CDH13: variants seen among roughly 807,000 people sequenced by gnomAD.
CDH13 encodes cadherin-13.
In CDH13, 24 loss-of-function variants were observed where a neutral mutation model predicts 63.8. The observed-to-expected ratio is 0.38, with a 90% CI of 0.27 to 0.53. CDH13 has a LOEUF of 0.53. Among genes scored for constraint, CDH13 ranks in the 20% least tolerant of loss-of-function variants. The probability of loss-of-function intolerance (pLI) is 0.85; values close to 1 mark genes in which losing one functional copy is unlikely to be tolerated. For synonymous variants in CDH13, 503 were observed against 355.3 expected, an observed-to-expected ratio of 1.42 and a Z score of -4.67; for missense variants, 1,049 against 903.1, an observed-to-expected ratio of 1.16 and a Z score of -2.07.
chr16:83,400,067 T>C (rs755970304), intron 6 of CDH13, among the ~76,000 whole-genome samples: 1 of 152,138 alleles, frequency 6.6e-6, no homozygotes, highest in Admixed American at 6.5e-5. Flanking sequence ...TGTCTTATAG[T>C]ACTGCCAAGA....
intron 3 of CDH13, among the ~76,000 whole-genome samples, chr16:83,067,891 C>T (rs1440523322): frequency 2.0e-5 from 3 of 152,150 alleles, no homozygotes; most frequent in Non-Finnish European, 4.4e-5. Flanking sequence ...TCCATTTCGC[C>T]ACCTGCTCTG....
At chr16:82,924,667 C>A (rs1428723323) in intron 2 of CDH13, among the ~76,000 whole-genome samples, 1 of 152,100 alleles carries the variant, frequency 6.6e-6, no homozygotes, top group Non-Finnish European at 1.5e-5. Context: ...AGTGAGTTAC[C>A]GTTATCAATC....
chr16:82,946,693 C>T (rs1904754831), intron 2 of CDH13, among the ~76,000 whole-genome samples: 1 of 149,952 alleles, frequency 6.7e-6, no homozygotes, highest in African/African-American at 2.5e-5. Context: ...TGCACTCCAG[C>T]GTGGGTGACA....
At chr16:83,743,748 C>CTGTTTTTTTTTTTTTTTTTT in intron 10 of CDH13, among the ~76,000 whole-genome samples, 1 of 76,258 alleles carries the variant, frequency 1.3e-5, no homozygotes. Context: ...TTTCTTTTTT[C>CTGTTTTTTTTTTTTTTTTTT]TTTTTTTTTT....
chr16:82,707,803 GT>G (rs1191825156), intron 1 of CDH13, among the ~76,000 whole-genome samples: 1 of 152,212 alleles, frequency 6.6e-6, no homozygotes, highest in East Asian at 1.9e-4. Context: ...TACCATCTGT[GT>G]GGTATTCAAG....
At chr16:82,907,923 A>C (rs1249157303) in intron 2 of CDH13, among the ~76,000 whole-genome samples, 3 of 152,174 alleles carry the variant, frequency 2.0e-5, no homozygotes, top group Non-Finnish European at 4.4e-5. Flanking sequence ...TTAAAAAATT[A>C]GCTTCTTCAA....
rs181636620 is a variant in CDH13, at chr16:83,189,889, T to C, written c.484-27456T>C. Among the ~76,000 whole-genome samples, 5 of 152,288 alleles carry C rather than the reference T, an allele frequency of 3.3e-5. No homozygotes were observed. The East Asian group carries it at 9.7e-4, about 29-fold the overall frequency. On this transcript the variant is annotated intron_variant, in intron 4 of 13. Transcript: ENST00000567109. ...GGCTTTTCTCATACTGTTCTCATGA[T>C]AGTGAGTAAGTCTCATGAGATCTGA...
intron 1 of CDH13, among the ~76,000 whole-genome samples, chr16:82,706,304 A>T (rs772008335): frequency 7.8e-4 from 119 of 152,348 alleles, no homozygotes; most frequent in Middle Eastern, 3.4e-3. Flanking sequence ...ATAAATAAAC[A>T]GTTAACAAGA....
intron 5 of CDH13, among the ~76,000 whole-genome samples, chr16:83,326,350 A>C (rs962901867): frequency 1.3e-5 from 2 of 152,052 alleles, no homozygotes; most frequent in Admixed American, 1.3e-4. Context: ...GGGGTAGCAT[A>C]AATCATTAGT....
At chr16:82,816,743 G>C (rs978860357) in intron 1 of CDH13, among the ~76,000 whole-genome samples, 2 of 147,366 alleles carry the variant, frequency 1.4e-5, no homozygotes, top group Non-Finnish European at 3.0e-5. Context: ...CCATTTGGAA[G>C]GGTTTAGATG....
rs1047454429 is a variant in CDH13, at chr16:82,986,627, C to T, written c.158-45383C>T. Among the ~76,000 whole-genome samples, 4 of 152,168 alleles carry T rather than the reference C, an allele frequency of 2.6e-5. No homozygotes were observed. The East Asian group carries it at 5.8e-4, about 22-fold the overall frequency. On this transcript the variant is annotated intron_variant, in intron 2 of 13. Transcript: ENST00000567109. ...GAGCTAAGGTCTTCTTCCTGTGTCT[C>T]TTATTTTTCTAGGGATAGCAGAAAT...
chr16:83,167,499 C>CAAAAAAAAAAAAA lies in CDH13; in HGVS notation c.483+42008_483+42020dup, dbSNP rs11430454. Among the ~76,000 whole-genome samples, 374 of 99,496 alleles carry CAAAAAAAAAAAAA rather than the reference C, an allele frequency of 3.8e-3. 11 individuals carry two copies. The highest frequency in any genetic ancestry group is 0.015 in the African/African-American group (366 of 24,950). 65.3% of individuals were successfully genotyped at this position (99,496 alleles called of 152,430 possible). ...TGAGGGACAGAGTGAGACCCTTTCC[C>CAAAAAAAAAAAAA]AAAAAAAAAAAAAAAAAAAAAAGCA... is the stretch of plus-strand genomic sequence containing the variant. On this transcript the variant is annotated intron_variant, in intron 4 of 13. Transcript: ENST00000567109.
chr16:83,652,820 G>C (rs1912513024), intron 8 of CDH13, among the ~76,000 whole-genome samples: 1 of 152,158 alleles, frequency 6.6e-6, no homozygotes, highest in Non-Finnish European at 1.5e-5. Flanking sequence ...AGAGAATGAA[G>C]GCATAAGTCC....
At chr16:83,527,858 G>A (rs1009566684) in intron 7 of CDH13, among the ~76,000 whole-genome samples, 1 of 152,222 alleles carries the variant, frequency 6.6e-6, no homozygotes, top group Admixed American at 6.5e-5. Context: ...AAAGTAGAAA[G>A]AAGTCTATAT....
At chr16:82,981,746 C>T (rs1910291398) in intron 2 of CDH13, among the ~76,000 whole-genome samples, 1 of 152,228 alleles carries the variant, frequency 6.6e-6, no homozygotes, top group South Asian at 2.1e-4. Context: ...GGGATGCTCA[C>T]ATTCAGCCTT....
chr16:83,128,658 A>G (rs933949463), intron 4 of CDH13, among the ~76,000 whole-genome samples: 25 of 152,218 alleles, frequency 1.6e-4, no homozygotes, highest in African/African-American at 5.5e-4. Flanking sequence ...ATTACACACA[A>G]TTTCCTCCGG....
intron 8 of CDH13, among the ~76,000 whole-genome samples, chr16:83,660,075 C>T (rs1414609859): frequency 2.0e-5 from 3 of 152,138 alleles, no homozygotes; most frequent in Non-Finnish European, 4.4e-5. Context: ...TCAGAAGCCA[C>T]CACGCCCAGC....
At chr16:82,765,044 G>C (rs766874962) in intron 1 of CDH13, among the ~76,000 whole-genome samples, 1 of 152,134 alleles carries the variant, frequency 6.6e-6, no homozygotes, top group Non-Finnish European at 1.5e-5. Flanking sequence ...TCAAACTCCT[G>C]ACCTCAGATG....
At chr16:83,110,040 G>A (rs1378609727) in intron 3 of CDH13, among the ~76,000 whole-genome samples, 1 of 152,218 alleles carries the variant, frequency 6.6e-6, no homozygotes, top group Non-Finnish European at 1.5e-5. Context: ...CGGTTCAAAC[G>A]TGGGGAAGTT....
Sources: gnomAD v4.1 joint callset for allele counts (sites outside exome capture counted in the v4.1 genomes callset) on GRCh38, gnomAD v4.1.1 for gene constraint, MANE v1.5 for transcripts, NCBI Gene and HGNC (gene_info 2026-07-23, HGNC 2026-07-21) for gene names.